The following MYLIP variants were observed in gnomAD, a reference collection of about 807,000 sequenced individuals.
MYLIP encodes the protein E3 ubiquitin-protein ligase MYLIP.
MYLIP carries 26 observed loss-of-function variants against 45.8 expected under a neutral mutation model. The ratio of observed to expected loss-of-function variants is 0.57; its 90% CI spans 0.42 to 0.79. MYLIP has a LOEUF of 0.79. Among genes scored for constraint, MYLIP ranks in the 30% least tolerant of loss-of-function variants. The pLI is 0.00. For synonymous variants in MYLIP, 213 were observed against 218.1 expected, an observed-to-expected ratio of 0.98 and a Z score of 0.21; for missense variants, 494 against 555.6, an observed-to-expected ratio of 0.89 and a Z score of 1.11.
chr6:16,162,223 T>G, the MYLIP span, among the ~76,000 whole-genome samples: 1 of 152,188 alleles, frequency 6.6e-6, no homozygotes, highest in Admixed American at 6.5e-5. Context: ...GGTGAGGATG[T>G]GGGAAAATGC....
the MYLIP span, chr6:16,161,383 A>G: frequency 1.1e-4 from 27 of 240,388 alleles, no homozygotes; most frequent in East Asian, 3.0e-3. Context: ...CCAAACTGCG[A>G]AGATGACCTC....
the MYLIP span, among the ~76,000 whole-genome samples, chr6:16,157,434 A>AT: frequency 6.6e-6 from 1 of 152,168 alleles, no homozygotes; most frequent in Admixed American, 6.5e-5. Flanking sequence ...TTACTTATGT[A>AT]TTTTTTATTG....
chr6:16,146,594 T>A, intron 6 of MYLIP, 68 bp from the exon 7 acceptor site: 1 of 1,223,596 alleles, frequency 8.2e-7, no homozygotes, highest in Non-Finnish European at 1.2e-6. Flanking sequence ...ACCAGGGGTG[T>A]GCACAGAGAC....
At chr6:16,151,305 C>T (rs1361491891), downstream of MYLIP, among the ~76,000 whole-genome samples, 2 of 151,012 alleles carry the variant, frequency 1.3e-5, no homozygotes, top group Admixed American at 6.6e-5. Flanking sequence ...TGCAGTGAGC[C>T]GAGATCGCGC....
At chr6:16,134,577 A>G (rs1759514085) in intron 2 of MYLIP, among the ~76,000 whole-genome samples, 1 of 152,198 alleles carries the variant, frequency 6.6e-6, no homozygotes, top group South Asian at 2.1e-4. Context: ...ATAGTTTTCA[A>G]GTTATAGCAT....
the MYLIP span, among the ~76,000 whole-genome samples, chr6:16,157,162 GT>G: frequency 6.6e-6 from 1 of 152,224 alleles, no homozygotes; most frequent in Non-Finnish European, 1.5e-5. Context: ...TTGCTGAAAT[GT>G]TTCAGATGCT....
chr6:16,130,556 GGT>G lies in MYLIP; in HGVS notation c.91_92del (p.Cys31GlnfsTer9), dbSNP rs754325378. 1.2e-6 allele frequency: 2 copies of G among 1,612,764 alleles called. No individual in the cohort carries two copies. The highest frequency in any genetic ancestry group is 3.4e-5 in the Admixed American group (2 of 59,676). On this transcript the variant is annotated frameshift_variant and splice_region_variant, in exon 2 of 7. Transcript: ENST00000356840. LOFTEE classifies it high-confidence loss of function. ...CCAGGCTGCATTCCTTTTTGTTTTA[GGT>G]GTGCAGGCGACTGGGAATCATAGAA... The part of the protein sequence containing the change: ...KANGEDCLNQ[V>X]CRRLGIIEVD...
chr6:16,143,658 C>T (rs1305566770), intron 4 of MYLIP, 41 bp from the exon 5 acceptor site: 4 of 1,601,848 alleles, frequency 2.5e-6, no homozygotes, highest in Admixed American at 3.4e-5. Context: ...TGAAGAATCA[C>T]TCCTTCTAGA....
At chr6:16,142,498 A>T (rs374825715) in intron 3 of MYLIP, among the ~76,000 whole-genome samples, 206 of 152,334 alleles carry the variant, frequency 1.4e-3, no homozygotes, top group African/African-American at 4.5e-3. Context: ...ATTGTCTCAC[A>T]GTTCTGTAGG....
Position 16,143,234 on chromosome 6 carries a change from C to CT in MYLIP, c.662+24dup, listed in dbSNP as rs781201548. The CT allele has an allele frequency of 5.0e-6, 8 of 1,613,088 alleles. No homozygotes were observed. The Admixed American group carries it at 5.0e-5, about 10-fold the overall frequency. On this transcript the variant is annotated intron_variant, in intron 4 of 6. Coordinates refer to ENST00000356840, the MANE Select transcript of MYLIP (RefSeq NM_013262.4). ...AATTAATAGGTAAGCCAAGACTTAA[C>CT]TTTTTTTGACCTAAGCATGTGTATA...
At chr6:16,155,062 G>C in the MYLIP span, among the ~76,000 whole-genome samples, 2 of 152,040 alleles carry the variant, frequency 1.3e-5, no homozygotes, top group Non-Finnish European at 2.9e-5. Context: ...TCATCTCCTT[G>C]CTGGCCCTTC....
intron 2 of MYLIP, among the ~76,000 whole-genome samples, chr6:16,136,124 A>AT (rs1266528089): frequency 6.6e-6 from 1 of 152,140 alleles, no homozygotes; most frequent in Non-Finnish European, 1.5e-5. Flanking sequence ...CCATTTAATG[A>AT]TTTTTGACAA....
chr6:16,154,499 C>T, the MYLIP span, among the ~76,000 whole-genome samples: 1 of 152,146 alleles, frequency 6.6e-6, no homozygotes. Flanking sequence ...GGTCACAGAG[C>T]TGGAAAGAGG....
At chr6:16,133,589 C>G (rs2237107) in intron 2 of MYLIP, among the ~76,000 whole-genome samples, 30,078 of 152,146 alleles carry the variant, frequency 0.2, 3,142 homozygotes, top group East Asian at 0.32. Flanking sequence ...GGAAGTAGAT[C>G]TGAAATAATA....
chr6:16,159,331 A>G, the MYLIP span, among the ~76,000 whole-genome samples: 1 of 152,316 alleles, frequency 6.6e-6, no homozygotes, highest in African/African-American at 2.4e-5. Context: ...AAAGACAAGC[A>G]TTGGCGCCAG....
the MYLIP span, among the ~76,000 whole-genome samples, chr6:16,153,731 G>C: frequency 1.3e-5 from 2 of 152,096 alleles, no homozygotes; most frequent in South Asian, 2.1e-4. Flanking sequence ...GCCAGGCAAA[G>C]CTGCTGTGTC....
chr6:16,155,331 G>A, the MYLIP span, among the ~76,000 whole-genome samples: 1 of 152,134 alleles, frequency 6.6e-6, no homozygotes, highest in South Asian at 2.1e-4. Context: ...CAGGACATGT[G>A]GCAAAAAATA....
intron 3 of MYLIP, among the ~76,000 whole-genome samples, chr6:16,142,735 A>G (rs980440079): frequency 2.6e-5 from 4 of 152,232 alleles, no homozygotes; most frequent in African/African-American, 7.2e-5. Flanking sequence ...TCCAATATGT[A>G]AATTTGACTT....
chr6:16,135,350 G>T (rs1759528230), intron 2 of MYLIP, among the ~76,000 whole-genome samples: 2 of 152,184 alleles, frequency 1.3e-5, no homozygotes, highest in Non-Finnish European at 2.9e-5. Context: ...CTTTCAATTA[G>T]AAGTGTTCTT....
Sources: allele counts gnomAD v4.1 joint callset (sites outside exome capture counted in the v4.1 genomes callset), GRCh38; gene constraint gnomAD v4.1.1; transcripts MANE v1.5; gene names NCBI Gene and HGNC (gene_info 2026-07-23, HGNC 2026-07-21).